Variants in ADAP2 observed in about 807,000 individuals in gnomAD.
ADAP2 encodes the protein ArfGAP with dual PH domains 2, also known as arf-GAP with dual PH domain-containing protein 2.
In ADAP2, 42 loss-of-function variants were observed where a neutral mutation model predicts 54.9. That is an observed-to-expected ratio of 0.77 (90% CI 0.60 to 0.99). The LOEUF (loss-of-function observed/expected upper bound fraction) is 0.99, where lower values mean the gene tolerates loss of function less well. Among genes scored for constraint, ADAP2 ranks in the 50% least tolerant of loss-of-function variants. The pLI is 0.00. For missense variants in ADAP2, 429 were observed against 480.4 expected (o/e 0.89, Z 1.00); for synonymous variants, 177 against 180.1 (o/e 0.98, Z 0.14).
At chr17:30,934,685 C>T (rs1442928614) in intron 5 of ADAP2, among the ~76,000 whole-genome samples, 5 of 152,086 alleles carry the variant, frequency 3.3e-5, no homozygotes, top group African/African-American at 4.8e-5. Flanking sequence ...GAAAGAGCTC[C>T]GTAATCAAAA....
chr17:30,923,231 G>A (rs1910775230), intron 2 of ADAP2, among the ~76,000 whole-genome samples, 161 bp downstream of exon 2: 1 of 151,812 alleles, frequency 6.6e-6, no homozygotes, highest in South Asian at 2.1e-4. Context: ...GACAGAGGCC[G>A]AGAGTTCAAA....
chr17:30,930,029 T>A (rs775257034), intron 3 of ADAP2, among the ~76,000 whole-genome samples: 1 of 151,358 alleles, frequency 6.6e-6, no homozygotes, highest in Non-Finnish European at 1.5e-5. Flanking sequence ...GACTCTTGAT[T>A]GTAAGCGACA....
intron 7 of ADAP2, among the ~76,000 whole-genome samples, chr17:30,949,748 CAAAAAAAAAAAAA>C (rs34131343): frequency 1.6e-5 from 1 of 62,002 alleles, no homozygotes; most frequent in Non-Finnish European, 3.7e-5. Flanking sequence ...GACTCCGTCT[CAAAAAAAAAAAAA>C]AAAAAAAAGA....
At chr17:30,951,882 C>G (rs1276936582) in intron 7 of ADAP2, among the ~76,000 whole-genome samples, 2 of 146,922 alleles carry the variant, frequency 1.4e-5, no homozygotes, top group Non-Finnish European at 3.0e-5. Flanking sequence ...GTCTCGATCT[C>G]CTGACCTCGT....
At chr17:30,930,272 A>G (rs1911378400) in intron 3 of ADAP2, among the ~76,000 whole-genome samples, 2 of 150,594 alleles carry the variant, frequency 1.3e-5, no homozygotes, top group Admixed American at 6.6e-5. Flanking sequence ...GGGTTTTGCT[A>G]TGTTGGCCAG....
At chr17:30,934,377 C>A in intron 5 of ADAP2, 80 bp downstream of exon 5, 1 of 940,342 alleles carries the variant, frequency 1.1e-6, no homozygotes, top group Non-Finnish European at 1.6e-6. Flanking sequence ...ATCAGTGGTG[C>A]CCTTTTCTTG....
intron 7 of ADAP2, among the ~76,000 whole-genome samples, chr17:30,950,506 C>T (rs750858147): frequency 1.3e-5 from 2 of 152,168 alleles, no homozygotes; most frequent in Non-Finnish European, 2.9e-5. Context: ...TCCCTTCCGC[C>T]TCTGAGATTC....
At chr17:30,931,203 C>G (rs1214385409) in intron 3 of ADAP2, among the ~76,000 whole-genome samples, 5 of 151,058 alleles carry the variant, frequency 3.3e-5, no homozygotes, top group Non-Finnish European at 7.4e-5. Context: ...GTATCTGTCT[C>G]ATTGACCTAG....
intron 5 of ADAP2, among the ~76,000 whole-genome samples, chr17:30,943,556 AG>A (rs1256243786): frequency 6.6e-6 from 1 of 152,126 alleles, no homozygotes; most frequent in Non-Finnish European, 1.5e-5. Flanking sequence ...GCCATAAAAA[AG>A]AATGAGATTG....
chr17:30,927,062 A>C, intron 3 of ADAP2, 144 bp downstream of exon 3: 1 of 643,414 alleles, frequency 1.6e-6, no homozygotes, highest in Non-Finnish European at 2.8e-6. Flanking sequence ...ACTGGATACC[A>C]TCACAGAGAG....
At position 30,954,678 on chromosome 17, in the gene ADAP2, T is replaced by A. The variant is rs144506344; in HGVS notation, c.882+123T>A. On this transcript the variant is annotated intron_variant, in intron 9 of 10. Transcript: ENST00000330889. Reference sequence around the variant, plus strand: ...CAGAGCCCCAGAGCTAGAGAAACCTTGAGAGGAAAACCTCTACCCCTTGTT... The same window carrying A: ...CAGAGCCCCAGAGCTAGAGAAACCTAGAGAGGAAAACCTCTACCCCTTGTT... 9.5e-5 allele frequency: 75 copies of A among 789,168 alleles called. No homozygotes were observed. In the East Asian group the frequency reaches 1.9e-3, roughly 20 times the overall value. 48.9% of individuals were successfully genotyped at this position (789,168 alleles called of 1,614,324 possible). A position where few individuals can be genotyped will look rare whatever the true frequency, so the allele number is the denominator to read the frequency against.
intron 3 of ADAP2, 144 bp downstream of exon 3, chr17:30,927,062 ATC>A: frequency 1.6e-6 from 1 of 643,414 alleles, no homozygotes; most frequent in Non-Finnish European, 2.8e-6. Context: ...ACTGGATACC[ATC>A]ACAGAGAGCA....
chr17:30,957,346 T>C (rs1905149872), intron 10 of ADAP2, among the ~76,000 whole-genome samples: 2 of 152,142 alleles, frequency 1.3e-5, no homozygotes, highest in South Asian at 2.1e-4. Context: ...CCTTTGCTGG[T>C]GTGTGCATTC....
At chr17:30,953,375 A>G in intron 8 of ADAP2, 25 bp downstream of exon 8, 1 of 1,607,388 alleles carries the variant, frequency 6.2e-7, no homozygotes, top group South Asian at 1.1e-5. Context: ...TCCCTGGGGA[A>G]CTTAATATGG....
chr17:30,955,539 T>C (rs1379449441), intron 9 of ADAP2, among the ~76,000 whole-genome samples: 1 of 151,720 alleles, frequency 6.6e-6, no homozygotes, highest in Non-Finnish European at 1.5e-5. Flanking sequence ...AAACCCTGTC[T>C]CTACTAAAAA....
Position 30,945,096 on chromosome 17 carries a change from C to A in ADAP2, c.657+43C>A, listed in dbSNP as rs774137094. ...GCCACCTCCGCCTCCAGCTCGCACC[C>A]CAGGACTTGGCAGGTGCAGCTCACC... On this transcript the variant is annotated intron_variant, in intron 6 of 10. Coordinates refer to ENST00000330889, the MANE Select transcript of ADAP2 (RefSeq NM_018404.3). 5 of 1,604,210 alleles carry A rather than the reference C, an allele frequency of 3.1e-6. No homozygotes were observed. The South Asian group carries it at 5.6e-5, about 18-fold the overall frequency.
At chr17:30,948,735 C>A (rs1367217921) in intron 6 of ADAP2, among the ~76,000 whole-genome samples, 1 of 152,186 alleles carries the variant, frequency 6.6e-6, no homozygotes, top group African/African-American at 2.4e-5. Flanking sequence ...AGGGGCCAAG[C>A]CAGCTTTGGC....
intron 5 of ADAP2, among the ~76,000 whole-genome samples, chr17:30,939,762 T>C (rs8069171): frequency 0.21 from 30,456 of 144,448 alleles, 10,204 homozygotes; most frequent in African/African-American, 0.72. Context: ...AAGAGCAAAA[T>C]TCCATTTCCA....
At chr17:30,941,150 A>G (rs1912240371) in intron 5 of ADAP2, among the ~76,000 whole-genome samples, 1 of 152,182 alleles carries the variant, frequency 6.6e-6, no homozygotes, top group South Asian at 2.1e-4. Context: ...ATTGGTACCC[A>G]TTGAGTGGAA....
Sources: gnomAD v4.1 joint callset for allele counts (sites outside exome capture counted in the v4.1 genomes callset) on GRCh38, gnomAD v4.1.1 for gene constraint, MANE v1.5 for transcripts, NCBI Gene and HGNC (gene_info 2026-07-23, HGNC 2026-07-21) for gene names.